Variants in MINAR1 observed in about 807,000 individuals in gnomAD.
MINAR1 encodes membrane integral NOTCH2 associated receptor 1, also known as major intrinsically disordered Notch2-binding receptor 1.
Under a neutral mutation model 65.1 loss-of-function variants are expected in MINAR1, and 40 were observed. The ratio of observed to expected loss-of-function variants is 0.61; its 90% CI spans 0.48 to 0.80. MINAR1 has a LOEUF of 0.80. Ranked by LOEUF, MINAR1 falls within the 30% of genes least tolerant of loss-of-function variation. MINAR1 has a pLI of 0.00. For synonymous variants in MINAR1, 482 were observed against 449.1 expected (o/e 1.07, Z -0.93); for missense variants, 1,128 against 1,148.0 (o/e 0.98, Z 0.25).
intron 1 of MINAR1, among the ~76,000 whole-genome samples, chr15:79,442,167 C>G (rs112175363): frequency 1.3e-5 from 2 of 151,300 alleles, no homozygotes; most frequent in African/African-American, 4.9e-5. Flanking sequence ...TGTGGAAAAC[C>G]CTTTCACTAC....
At chr15:79,427,179 TA>T in the MINAR1 span, 1 of 152,056 alleles carries the variant, frequency 6.6e-6, no homozygotes, top group African/African-American at 2.4e-5. Flanking sequence ...GAAAACCAAA[TA>T]ATGCATGTTC....
At chr15:79,449,922 T>C (rs1297084662) in intron 1 of MINAR1, among the ~76,000 whole-genome samples, 1 of 151,852 alleles carries the variant, frequency 6.6e-6, no homozygotes, top group Non-Finnish European at 1.5e-5. Context: ...CATCAAACAC[T>C]CCCCTCCTCT....
the MINAR1 span, chr15:79,424,663 G>C: frequency 6.6e-6 from 1 of 152,218 alleles, no homozygotes; most frequent in Admixed American, 6.5e-5. Flanking sequence ...TATGTGCTGG[G>C]TCTTGCATTT....
intron 1 of MINAR1, among the ~76,000 whole-genome samples, chr15:79,442,277 G>GAC (rs1894891717): frequency 6.6e-6 from 1 of 151,966 alleles, no homozygotes; most frequent in South Asian, 2.1e-4. Context: ...TTTACCAGTT[G>GAC]ATTAACCAAT....
chr15:79,471,714 G>GT lies in MINAR1; in HGVS notation c.*3341dup, dbSNP rs957328952. The stretch of plus-strand genomic sequence containing the variant: ...CAGTGGCATCACATTTGTTGTTGTT[G>GT]TTTTTTTTTTTGAAATAGAAAAAAA... On this transcript the variant is annotated 3_prime_UTR_variant, in exon 4 of 4. Transcript: ENST00000305428. 78 of 149,228 alleles carry GT rather than the reference G, an allele frequency of 5.2e-4. No homozygotes were observed. The highest frequency in any genetic ancestry group is 1.6e-3 in the East Asian group (8 of 5,136). The allele number at this position is 149,228 out of a possible 1,614,324, so 9.2% of individuals were successfully genotyped here.
chr15:79,469,864 A>T lies in MINAR1; in HGVS notation c.*1480A>T, dbSNP rs1421412928. On this transcript the variant is annotated 3_prime_UTR_variant, in exon 4 of 4. Coordinates refer to ENST00000305428, the MANE Select transcript of MINAR1 (RefSeq NM_015206.3). ...GTAGCAAGTGTAATCACTCCGTATG[A>T]TATAATAAATTTCTAAAAGATTTGA... 2.0e-5 allele frequency: 3 copies of T among 152,494 alleles called. No individual in the cohort carries two copies. The highest frequency in any genetic ancestry group is 4.4e-5 in the Non-Finnish European group (3 of 68,028). 9.4% of individuals were successfully genotyped at this position (152,494 alleles called of 1,614,324 possible).
the MINAR1 span, chr15:79,417,959 C>T: frequency 3.3e-5 from 5 of 152,168 alleles, no homozygotes; most frequent in Non-Finnish European, 5.9e-5. Context: ...CATGAAGCCA[C>T]GATTTTACGA....
In MINAR1 at chr15:79,456,488, AGAAGGAGGCATCCTTT is replaced by A; in HGVS notation, c.345_360del (p.Lys115AsnfsTer18). On this transcript the variant is annotated frameshift_variant, in exon 2 of 4. Coordinates refer to ENST00000305428, the MANE Select transcript of MINAR1 (RefSeq NM_015206.3). LOFTEE classifies it high-confidence loss of function. The stretch of plus-strand genomic sequence containing the variant: ...CCCACGGGCCGCCAGAAGGTACGCA[AGAAGGAGGCATCCTTT>A]GAATCATGTAGGTCGGACACAGAGA... 6.2e-7 allele frequency: 1 copy of A among 1,614,108 alleles called. No homozygotes were observed. Among genetic ancestry groups the A allele is most frequent in the Non-Finnish European group, 8.5e-7 (1 of 1,180,042 alleles).
rs1179015375 is a variant in MINAR1 at position 79,456,402 on chromosome 15, A to G, written c.255A>G (p.Ala85=). 3.1e-6 allele frequency: 5 copies of G among 1,614,102 alleles called. No individual in the cohort carries two copies. The Admixed American group carries it at 8.3e-5, about 27-fold the overall frequency. ...NQQSKKIMVA[A]DIVTIFNLIQ... ...AATCAAAGAAAATCATGGTGGCAGC[A>G]GATATTGTGACGATATTCAACCTGA... The change falls in exon 2 of 4, where the codon GCA becomes GCG. Residue 85 remains alanine (A), a synonymous_variant. Coordinates refer to ENST00000305428, the MANE Select transcript of MINAR1 (RefSeq NM_015206.3).
In MINAR1 at chr15:79,456,979, A is replaced by C. The variant is rs1372313520; in HGVS notation, c.832A>C (p.Ile278Leu). 1 of 1,614,198 alleles carries C rather than the reference A, an allele frequency of 6.2e-7. No individual in the cohort carries two copies. The highest frequency in any genetic ancestry group is 1.3e-5 in the African/African-American group (1 of 75,048). The stretch of plus-strand genomic sequence containing the variant: ...AGTGTCCCCCAGTTTGGTTGGCCCC[A>C]TCAGCAAAGCAGAGAATGAGCACAG... ...MAVSPSLVGPISKAENEHREP... is the reference protein window; with the variant it reads ...MAVSPSLVGPLSKAENEHREP... Residue 278 changes from isoleucine to leucine, a missense_variant, in exon 2 of 4, where the codon ATC (isoleucine) becomes CTC (leucine). Ile to Leu is a conservative substitution (Grantham distance 5). Coordinates refer to ENST00000305428, the MANE Select transcript of MINAR1 (RefSeq NM_015206.3).
At chr15:79,419,143 T>C in the MINAR1 span, 1 of 152,114 alleles carries the variant, frequency 6.6e-6, no homozygotes, top group Non-Finnish European at 1.5e-5. Context: ...ATTGTGGGGA[T>C]GGGGAGCGGT....
chr15:79,436,046 G>A (rs1239179766), intron 1 of MINAR1, among the ~76,000 whole-genome samples: 2 of 152,186 alleles, frequency 1.3e-5, no homozygotes, highest in African/African-American at 4.8e-5. Context: ...CTTTTCCTCT[G>A]TTTCAGTGGT....
chr15:79,463,121 G>T lies in MINAR1; in HGVS notation c.2353G>T (p.Asp785Tyr). ...GCACCGACTGCCCAAGCAGCCCAAAGATGGCTTCCTGGTGGAGCAGGTGTT... is the reference window on the plus strand; with the variant it reads ...GCACCGACTGCCCAAGCAGCCCAAATATGGCTTCCTGGTGGAGCAGGTGTT... ...PQHRLPKQPKDGFLVEQVFSP... is the reference protein window; with the variant it reads ...PQHRLPKQPKYGFLVEQVFSP... The change falls in exon 3 of 4, where the codon GAT (aspartate) becomes TAT (tyrosine). Residue 785 changes from aspartate (D) to tyrosine (Y), a missense_variant. Coordinates refer to ENST00000305428, the MANE Select transcript of MINAR1 (RefSeq NM_015206.3). 1 of 1,614,216 alleles carries T rather than the reference G, an allele frequency of 6.2e-7. No homozygotes were observed. Among genetic ancestry groups the T allele is most frequent in the Non-Finnish European group, 8.5e-7 (1 of 1,180,044 alleles).
chr15:79,456,089 C>T lies in MINAR1; in HGVS notation c.-50-9C>T. ...TTTCCTCCTCTCTTTCTCAATATTG[C>T]CACCACAGAACTGACCTGAAGTTTC... is the stretch of plus-strand genomic sequence containing the variant. On this transcript the variant is annotated splice_polypyrimidine_tract_variant and intron_variant, in intron 1 of 3. Coordinates refer to ENST00000305428, the MANE Select transcript of MINAR1 (RefSeq NM_015206.3). 6.5e-7 allele frequency: 1 copy of T among 1,533,878 alleles called. No homozygotes were observed. Among genetic ancestry groups the T allele is most frequent in the Non-Finnish European group, 8.8e-7 (1 of 1,130,814 alleles).
intron 1 of MINAR1, among the ~76,000 whole-genome samples, chr15:79,441,926 GCCTT>G (rs1431808951): frequency 6.6e-6 from 1 of 151,606 alleles, no homozygotes; most frequent in Non-Finnish European, 1.5e-5. Context: ...ATTTTTCTTT[GCCTT>G]CCTTTCTTTG....
At position 79,471,114 on chromosome 15, in the gene MINAR1, C is replaced by T. The variant is rs1158822028; in HGVS notation, c.*2730C>T. On this transcript the variant is annotated 3_prime_UTR_variant, in exon 4 of 4. Coordinates refer to ENST00000305428, the MANE Select transcript of MINAR1 (RefSeq NM_015206.3). ...CATCTCTCTAATCTTTGCCCATCAC[C>T]TCCTGTTGCAATGAGTTCCCGCAGG... The T allele has an allele frequency of 6.6e-6, 1 of 152,172 alleles. No homozygotes were observed. The highest frequency in any genetic ancestry group is 1.5e-5 in the Non-Finnish European group (1 of 68,052). 9.4% of individuals were successfully genotyped at this position (152,172 alleles called of 1,614,324 possible). A position where few individuals can be genotyped will look rare whatever the true frequency, so the allele number is the denominator to read the frequency against.
At chr15:79,448,392 T>A (rs948436362) in intron 1 of MINAR1, among the ~76,000 whole-genome samples, 1 of 152,198 alleles carries the variant, frequency 6.6e-6, no homozygotes, top group African/African-American at 2.4e-5. Flanking sequence ...GTTTGAAATT[T>A]TATTAGAGGT....
chr15:79,445,828 G>A (rs1013206808), intron 1 of MINAR1, among the ~76,000 whole-genome samples: 7 of 152,178 alleles, frequency 4.6e-5, no homozygotes, highest in African/African-American at 9.6e-5. Flanking sequence ...GATTACAGGC[G>A]TGAGCCACCG....
chr15:79,411,517 G>A, the MINAR1 span: 11 of 701,670 alleles, frequency 1.6e-5, no homozygotes, highest in South Asian at 3.0e-5. Context: ...GATTTTCAGC[G>A]GGGAGGCACT....
Sources: gnomAD v4.1 joint callset for allele counts (sites outside exome capture counted in the v4.1 genomes callset) on GRCh38, gnomAD v4.1.1 for gene constraint, MANE v1.5 for transcripts, NCBI Gene and HGNC (gene_info 2026-07-23, HGNC 2026-07-21) for gene names.